ATP11C: variants seen among roughly 807,000 people sequenced by gnomAD.
The protein encoded by ATP11C is ATPase phospholipid transporting 11C (ATP11C blood group).
Under a neutral mutation model 97.4 loss-of-function variants are expected in ATP11C, and 36 were observed. That is an observed-to-expected ratio of 0.37 (90% CI 0.28 to 0.49). The LOEUF is 0.49. Among genes scored for constraint, ATP11C ranks in the 20% least tolerant of loss-of-function variants. ATP11C has a pLI of 0.98. For synonymous variants in ATP11C, 275 were observed against 290.9 expected, an observed-to-expected ratio of 0.95 and a Z score of 0.56; for missense variants, 730 against 824.6, an observed-to-expected ratio of 0.89 and a Z score of 1.40.
At chrX:139,903,851 C>CA (rs1226992009) in intron 1 of ATP11C, among the ~76,000 whole-genome samples, 2 of 110,708 alleles carry the variant, frequency 1.8e-5, no homozygotes, top group Non-Finnish European at 3.8e-5. Flanking sequence ...AGGGCAAAGA[C>CA]AACCTTCACT....
intron 1 of ATP11C, among the ~76,000 whole-genome samples, chrX:139,913,325 G>A (rs955205564): frequency 8.9e-6 from 1 of 111,764 alleles, no homozygotes; most frequent in Non-Finnish European, 1.9e-5. Flanking sequence ...TTAGATTTGA[G>A]TTTAATTAAT....
chrX:139,778,557 G>C (rs2082393265), intron 18 of ATP11C, among the ~76,000 whole-genome samples: 1 of 112,011 alleles, frequency 8.9e-6, no homozygotes, highest in Non-Finnish European at 1.9e-5. Flanking sequence ...GACAGGGCGT[G>C]GTGGCTCACA....
intron 1 of ATP11C, among the ~76,000 whole-genome samples, chrX:139,837,674 C>T (rs2083768681): frequency 1.8e-5 from 2 of 112,004 alleles, no homozygotes; most frequent in Non-Finnish European, 3.8e-5. Context: ...AGGCAGTCCT[C>T]AAAGAATGGA....
At position 139,900,683 on chromosome X, in the gene ATP11C, C is replaced by A. The variant is rs7891685; in HGVS notation, c.27+31333G>T. 3.6e-5 allele frequency among the ~76,000 whole-genome samples: 4 copies of A among 111,958 alleles called. No individual in the cohort carries two copies. In the Admixed American group the frequency reaches 3.8e-4, roughly 11 times the overall value. ...TCCGGGTAACATCTGAAGACATCAA[C>A]TGATAAAATGGGGAGGGGGCAAAAA... On this transcript the variant is annotated intron_variant, in intron 1 of 29. Coordinates refer to ENST00000682941, the MANE Select transcript of ATP11C (RefSeq NM_001353812.2).
intron 1 of ATP11C, among the ~76,000 whole-genome samples, chrX:139,852,715 T>C (rs953694066): frequency 6.4e-5 from 7 of 109,675 alleles, no homozygotes; most frequent in Middle Eastern, 4.3e-3. Context: ...CATGGTTCCA[T>C]AGCTACCTCA....
chrX:139,904,723 A>G (rs2084949096), intron 1 of ATP11C, among the ~76,000 whole-genome samples: 1 of 110,883 alleles, frequency 9.0e-6, no homozygotes, highest in African/African-American at 3.3e-5. Flanking sequence ...AGGAAAAGAC[A>G]CTTGAACTTA....
chrX:139,832,940 A>T (rs1389393493), intron 1 of ATP11C, among the ~76,000 whole-genome samples: 1 of 112,209 alleles, frequency 8.9e-6, no homozygotes, highest in African/African-American at 3.2e-5. Flanking sequence ...GACCAGCATC[A>T]TTACCTAGAA....
chrX:139,806,195 C>T (rs2083039031), intron 5 of ATP11C, among the ~76,000 whole-genome samples: 1 of 111,480 alleles, frequency 9.0e-6, no homozygotes, highest in Non-Finnish European at 1.9e-5. Context: ...AGTCAGATCA[C>T]AAAGGGCTTA....
rs2148164284 is a variant in ATP11C, at chrX:139,920,018, A to G, written c.27+11998T>C. The stretch of plus-strand genomic sequence containing the variant: ...CCCAAATGTCCATCAGCTGATGAAC[A>G]GATAAATAAAATGTGCTCTCTCCAT... On this transcript the variant is annotated intron_variant, in intron 1 of 29. Transcript: ENST00000682941. Among the ~76,000 whole-genome samples, 2 of 112,251 alleles carry G rather than the reference A, an allele frequency of 1.8e-5. 1 individual carries two copies. Among genetic ancestry groups the G allele is most frequent in the South Asian group, 7.4e-4 (2 of 2,692 alleles).
intron 12 of ATP11C, among the ~76,000 whole-genome samples, chrX:139,794,637 C>G (rs1320890394): frequency 9.0e-6 from 1 of 111,449 alleles, no homozygotes; most frequent in African/African-American, 3.3e-5. Flanking sequence ...GATCATTACC[C>G]AAAGCTCTAC....
chrX:139,833,171 G>A (rs1439623282), intron 1 of ATP11C, among the ~76,000 whole-genome samples: 1 of 112,000 alleles, frequency 8.9e-6, no homozygotes, highest in Non-Finnish European at 1.9e-5. Flanking sequence ...ATACAAGTTG[G>A]AGTGTGTCCA....
intron 25 of ATP11C, among the ~76,000 whole-genome samples, chrX:139,744,540 A>ACTC (rs1459216246): frequency 8.9e-6 from 1 of 112,033 alleles, no homozygotes; most frequent in Non-Finnish European, 1.9e-5. Flanking sequence ...TTTGGAGCAA[A>ACTC]CTCCTTTTAA....
At chrX:139,809,005 CA>C (rs1569465832) in intron 5 of ATP11C, among the ~76,000 whole-genome samples, 1 of 109,603 alleles carries the variant, frequency 9.1e-6, no homozygotes, top group East Asian at 2.9e-4. Flanking sequence ...CCCAGCTACT[CA>C]GGAGGCTGAG....
At position 139,783,210 on chromosome X, in the gene ATP11C, T is replaced by C; in HGVS notation, c.1724A>G (p.Asn575Ser). ...ADSAVFPRVQ[N>S]HEIELTKVHV... Reference sequence around the variant, plus strand: ...GACTTTAGTTAACTCAATTTCATGATTTTGCACTCTGGGAAAAACTGCCGA... The same window carrying C: ...GACTTTAGTTAACTCAATTTCATGACTTTGCACTCTGGGAAAAACTGCCGA... The change falls in exon 17 of 30, where the codon AAT (asparagine) becomes AGT (serine). Residue 575 changes from asparagine (N) to serine (S), a missense_variant. Coordinates refer to ENST00000682941, the MANE Select transcript of ATP11C (RefSeq NM_001353812.2). The C allele has an allele frequency of 8.3e-7, 1 of 1,208,858 alleles. No homozygotes were observed.
At chrX:139,742,366 AAGTGGCT>A (rs1298341562) in intron 26 of ATP11C, among the ~76,000 whole-genome samples, 3 of 111,918 alleles carry the variant, frequency 2.7e-5, no homozygotes, top group Non-Finnish European at 3.8e-5. Flanking sequence ...CACAGCTAGT[AAGTGGCT>A]ATACTGAGAT....
chrX:139,770,786 T>C (rs1384197633), intron 19 of ATP11C, among the ~76,000 whole-genome samples: 1 of 111,579 alleles, frequency 9.0e-6, no homozygotes, highest in African/African-American at 3.3e-5. Context: ...GTAAATTAAG[T>C]TTTCCACAAG....
chrX:139,881,753 T>C (rs1483900078), intron 1 of ATP11C, among the ~76,000 whole-genome samples: 1 of 112,182 alleles, frequency 8.9e-6, no homozygotes, highest in Non-Finnish European at 1.9e-5. Flanking sequence ...TGAGATTTTA[T>C]CTTTATCGCA....
At chrX:139,832,117 T>A (rs774680068) in intron 1 of ATP11C, 7 of 1,195,389 alleles carry the variant, frequency 5.9e-6, no homozygotes, top group Non-Finnish European at 7.9e-6. Flanking sequence ...AAACCCAACC[T>A]GGCTGAAAAG....
At chrX:139,773,867 A>G (rs2082300642) in intron 19 of ATP11C, among the ~76,000 whole-genome samples, 1 of 112,546 alleles carries the variant, frequency 8.9e-6, no homozygotes, top group Non-Finnish European at 1.9e-5. Flanking sequence ...TGAAATGAAG[A>G]AAATACGGTT....
Sources: allele counts gnomAD v4.1 joint callset (sites outside exome capture counted in the v4.1 genomes callset), GRCh38; gene constraint gnomAD v4.1.1; transcripts MANE v1.5; gene names NCBI Gene and HGNC (gene_info 2026-07-23, HGNC 2026-07-21).